Variants in SMIM8 observed in about 807,000 individuals in gnomAD.
The protein encoded by SMIM8 is small integral membrane protein 8.
A neutral mutation model predicts 8.1 loss-of-function variants in SMIM8; 8 were observed. That is an observed-to-expected ratio of 0.99 (90% confidence interval 0.58 to 1.78). The LOEUF is 1.78. Ranked by LOEUF, SMIM8 falls within the 40% of genes most tolerant of loss-of-function variation. The probability of loss-of-function intolerance (pLI) is 0.00; values close to 1 mark genes in which losing one functional copy is unlikely to be tolerated. For missense variants in SMIM8, 126 were observed against 119.8 expected (o/e 1.05, Z -0.24); for synonymous variants, 45 against 39.7 (o/e 1.13, Z -0.50).
At chr6:87,334,908 T>C (rs1777073472) in intron 2 of SMIM8, among the ~76,000 whole-genome samples, 1 of 152,186 alleles carries the variant, frequency 6.6e-6, no homozygotes, top group Non-Finnish European at 1.5e-5. Flanking sequence ...AGACAATTGG[T>C]CTGCCCACAA....
intron 3 of SMIM8, among the ~76,000 whole-genome samples, chr6:87,338,076 C>T (rs115385157): frequency 6.6e-6 from 1 of 152,158 alleles, no homozygotes; most frequent in African/African-American, 2.4e-5. Flanking sequence ...TTAAATAGAT[C>T]AACTTAATCA....
intron 3 of SMIM8, among the ~76,000 whole-genome samples, chr6:87,337,865 C>T (rs558972232): frequency 2.0e-5 from 3 of 152,202 alleles, no homozygotes; most frequent in Admixed American, 1.3e-4. Context: ...TGGCCTTAAG[C>T]GATTCTCCCA....
rs1039094174 is a variant in SMIM8 at position 87,340,633 on chromosome 6, C to T, written c.*359C>T. ...AGATGAATTATGCCGGTGCAGCTGT[C>T]GTGAAAGTTTACTTGTGTTTTGCTA... is the stretch of plus-strand genomic sequence containing the variant. On this transcript the variant is annotated 3_prime_UTR_variant, in exon 4 of 4. Transcript: ENST00000392863. 6 of 156,500 alleles carry T rather than the reference C, an allele frequency of 3.8e-5. No homozygotes were observed. Among genetic ancestry groups the T allele is most frequent in the Non-Finnish European group, 8.4e-5 (6 of 71,146 alleles). The allele number at this position is 156,500 out of a possible 1,614,324, so 9.7% of individuals were successfully genotyped here. A position where few individuals can be genotyped will look rare whatever the true frequency, so the allele number is the denominator to read the frequency against.
chr6:87,340,299 C>G lies in SMIM8; in HGVS notation c.*25C>G, dbSNP rs1777198405. ...GTAGTGCTGGTTAGTGCAGATGGAC[C>G]TTTATTAAAGGTTCTGAAATCTTCA... On this transcript the variant is annotated 3_prime_UTR_variant, in exon 4 of 4. Transcript: ENST00000392863. 1 of 1,537,260 alleles carries G rather than the reference C, an allele frequency of 6.5e-7. No homozygotes were observed. The highest frequency in any genetic ancestry group is 8.7e-7 in the Non-Finnish European group (1 of 1,147,922).
At chr6:87,329,355 A>C (rs1190128604) in intron 1 of SMIM8, 1 of 152,422 alleles carries the variant, frequency 6.6e-6, no homozygotes, top group African/African-American at 2.4e-5. Flanking sequence ...GCTCACTGCA[A>C]CCTTCACCTC....
In SMIM8 at chr6:87,341,387, AG is replaced by A. The variant is rs905700735; in HGVS notation, c.*1117del. 26 of 123,976 alleles carry A rather than the reference AG, an allele frequency of 2.1e-4. No homozygotes were observed. Among genetic ancestry groups the A allele is most frequent in the African/African-American group, 7.2e-4 (15 of 20,746 alleles). The allele number at this position is 123,976 out of a possible 1,614,324, so 7.7% of individuals were successfully genotyped here. Reference sequence around the variant, plus strand: ...CCTTGGTTGTCCTGGCACCTGGCCCAGGGGCCTAGGACAGAGGTCAAGGCTA... The same window carrying A: ...CCTTGGTTGTCCTGGCACCTGGCCCAGGGCCTAGGACAGAGGTCAAGGCTA... On this transcript the variant is annotated 3_prime_UTR_variant, in exon 4 of 4. Coordinates refer to ENST00000392863, the MANE Select transcript of SMIM8 (RefSeq NM_001042493.3).
chr6:87,324,071 T>A lies in SMIM8; in HGVS notation c.-45+1439T>A, dbSNP rs566796676. The stretch of plus-strand genomic sequence containing the variant: ...GTGTGTTTTGGCTGCATAAATGTCT[T>A]CTTTTGAGAAGTGTCTGTTCATGTC... On this transcript the variant is annotated intron_variant, in intron 1 of 3. Transcript: ENST00000392863. Among the ~76,000 whole-genome samples the A allele has an allele frequency of 4.6e-5, 7 of 151,610 alleles. 1 individual carries two copies. In the East Asian group the frequency reaches 7.7e-4, roughly 17 times the overall value.
At chr6:87,340,085 T>C (rs748351712) in intron 3 of SMIM8, 31 bp from the exon 4 acceptor site, 2 of 1,505,290 alleles carry the variant, frequency 1.3e-6, no homozygotes, top group South Asian at 2.8e-5. Context: ...TTAGTCTTAC[T>C]AAAGCTTTAT....
intron 2 of SMIM8, among the ~76,000 whole-genome samples, chr6:87,334,914 C>T (rs1777073536): frequency 6.6e-6 from 1 of 152,172 alleles, no homozygotes; most frequent in Non-Finnish European, 1.5e-5. Flanking sequence ...TTGGTCTGCC[C>T]ACAACATACT....
intron 2 of SMIM8, among the ~76,000 whole-genome samples, chr6:87,332,343 A>ATATATAT (rs1491301788): frequency 6.9e-6 from 1 of 145,756 alleles, no homozygotes; most frequent in African/African-American, 2.5e-5. Flanking sequence ...ATATATATAT[A>ATATATAT]AATGACAGCA....
At chr6:87,337,982 TTAAAA>T (rs1777149295) in intron 3 of SMIM8, among the ~76,000 whole-genome samples, 1 of 152,186 alleles carries the variant, frequency 6.6e-6, no homozygotes. Context: ...TAAAATCAAA[TTAAAA>T]TAAAATATGA....
chr6:87,339,418 GTGTGTGTGTGTGTGTGTT>G (rs747306680), intron 3 of SMIM8, among the ~76,000 whole-genome samples: 6 of 90,646 alleles, frequency 6.6e-5, no homozygotes, highest in South Asian at 3.5e-4. Context: ...CACAGCGTGT[GTGTGTGTGTGTGTGTGTT>G]TGTGTGTGTG....
intron 1 of SMIM8, among the ~76,000 whole-genome samples, chr6:87,325,708 G>T (rs1388123124): frequency 6.6e-6 from 1 of 152,082 alleles, no homozygotes; most frequent in African/African-American, 2.4e-5. Context: ...GTTCATCAAG[G>T]ATATTGGTCT....
chr6:87,337,664 T>A (rs566011611), intron 3 of SMIM8, among the ~76,000 whole-genome samples: 75 of 152,348 alleles, frequency 4.9e-4, no homozygotes, highest in Non-Finnish European at 7.9e-4. Flanking sequence ...TTAGAGGTTC[T>A]GTCACCTAGG....
At chr6:87,324,704 G>A (rs1582084558) in intron 1 of SMIM8, among the ~76,000 whole-genome samples, 2 of 151,848 alleles carry the variant, frequency 1.3e-5, no homozygotes, top group East Asian at 3.8e-4. Flanking sequence ...CAGGTAGTGT[G>A]ATACCTCCAG....
intron 3 of SMIM8, among the ~76,000 whole-genome samples, chr6:87,337,999 A>G (rs1777149874): frequency 2.6e-5 from 4 of 152,232 alleles, no homozygotes; most frequent in South Asian, 4.1e-4. Flanking sequence ...AAAATATGAT[A>G]AATATTTAAG....
At chr6:87,337,842 G>C (rs939375673) in intron 3 of SMIM8, among the ~76,000 whole-genome samples, 1 of 152,042 alleles carries the variant, frequency 6.6e-6, no homozygotes, top group Non-Finnish European at 1.5e-5. Context: ...TGCCCAAACT[G>C]GTTTTGAACT....
In SMIM8 at chr6:87,340,406, C is replaced by T; in HGVS notation, c.*132C>T. 1.1e-6 allele frequency: 1 copy of T among 905,834 alleles called. No homozygotes were observed. The highest frequency in any genetic ancestry group is 1.5e-6 in the Non-Finnish European group (1 of 683,028). 56.1% of individuals were successfully genotyped at this position (905,834 alleles called of 1,614,324 possible). A position where few individuals can be genotyped will look rare whatever the true frequency, so the allele number is the denominator to read the frequency against. ...GAAGAGAGAAGATAGCAGTTGCAAC[C>T]AGACAACTGTCGTAAATTTTGTCCT... On this transcript the variant is annotated 3_prime_UTR_variant, in exon 4 of 4. Coordinates refer to ENST00000392863, the MANE Select transcript of SMIM8 (RefSeq NM_001042493.3).
chr6:87,334,699 T>C (rs1365424151), intron 2 of SMIM8, among the ~76,000 whole-genome samples: 1 of 152,238 alleles, frequency 6.6e-6, no homozygotes, highest in African/African-American at 2.4e-5. Flanking sequence ...ATAAACAGAT[T>C]GATGATTGGT....
Sources: allele counts gnomAD v4.1 joint callset (sites outside exome capture counted in the v4.1 genomes callset), GRCh38; gene constraint gnomAD v4.1.1; transcripts MANE v1.5; gene names NCBI Gene and HGNC (gene_info 2026-07-23, HGNC 2026-07-21).